The following TIGD5 variants were observed in gnomAD, a reference collection of about 807,000 sequenced individuals.
The protein encoded by TIGD5 is tigger transposable element derived 5, also known as tigger transposable element-derived protein 5.
TIGD5 carries 24 observed loss-of-function variants against 28.8 expected under a neutral mutation model. That is an observed-to-expected ratio of 0.83 (90% confidence interval 0.60 to 1.17). The LOEUF (loss-of-function observed/expected upper bound fraction) is 1.17, where lower values mean the gene tolerates loss of function less well. Among genes scored for constraint, TIGD5 ranks in the 50% most tolerant of loss-of-function variants. The pLI, the probability that TIGD5 is intolerant of heterozygous loss-of-function variation, is 0.00. For missense variants in TIGD5, 922 were observed against 911.4 expected (o/e 1.01, Z -0.15); for synonymous variants, 538 against 430.5 (o/e 1.25, Z -3.09).
rs1829232870 is a variant in TIGD5 at position 143,599,895 on chromosome 8, C to T, written c.*63C>T. On this transcript the variant is annotated 3_prime_UTR_variant, in exon 1 of 1. Transcript: ENST00000504548. ...GAGGGAGGGGACATACACACAGTCT[C>T]CCATCTCTCCTCCCCTCCCCCTGGG... The T allele has an allele frequency of 1.4e-6, 2 of 1,411,402 alleles. No homozygotes were observed. The highest frequency in any genetic ancestry group is 2.7e-5 in the Admixed American group (1 of 36,470). The allele number at this position is 1,411,402 out of a possible 1,614,324, so 87.4% of individuals were successfully genotyped here.
At position 143,598,012 on chromosome 8, in the gene TIGD5, C is replaced by T. The variant is rs941328379; in HGVS notation, c.109C>T (p.Pro37Ser). 36 of 1,284,388 alleles carry T rather than the reference C, an allele frequency of 2.8e-5. No individual in the cohort carries two copies. In the Middle Eastern group the frequency reaches 9.0e-4, roughly 32 times the overall value. The allele number at this position is 1,284,388 out of a possible 1,614,324, so 79.6% of individuals were successfully genotyped here. The change falls in exon 1 of 1, where the codon CCC (proline) becomes TCC (serine). Residue 37 changes from proline to serine, a missense_variant. This residue lies in a region of TIGD5 where 87 missense variants were observed against 60.9 expected (regional missense o/e 1.43). Coordinates refer to ENST00000504548, the MANE Select transcript of TIGD5 (RefSeq NM_032862.5). This position sits in a 1 kb window ranked among gnomAD's most constrained non-coding sequence, Gnocchi z 6.6. ...CCCCGTCCCCGCTGCACGGCCGCCG[C>T]CCCCCGCGCCCGGGCCGCGGCCCCG... ...PAPVPAARPP[P>S]PAPGPRPRVA...
Position 143,597,874 on chromosome 8 carries a change from C to T in TIGD5, c.-30C>T, listed in dbSNP as rs1829108229. 1.2e-5 allele frequency: 9 copies of T among 761,882 alleles called. No homozygotes were observed. Among genetic ancestry groups the T allele is most frequent in the East Asian group, 1.3e-4 (1 of 7,702 alleles). The allele number at this position is 761,882 out of a possible 1,614,324, so 47.2% of individuals were successfully genotyped here. On this transcript the variant is annotated 5_prime_UTR_variant, in exon 1 of 1. Transcript: ENST00000504548. Reference sequence around the variant, plus strand: ...GGCTGGGCGTGTGGCTCCCGCGACCCGCGCGGCCCGGGTCCCCCCCGCCGC... The same window carrying T: ...GGCTGGGCGTGTGGCTCCCGCGACCTGCGCGGCCCGGGTCCCCCCCGCCGC...
At position 143,599,462 on chromosome 8, in the gene TIGD5, C is replaced by T; in HGVS notation, c.1559C>T (p.Ala520Val). 6.3e-7 allele frequency: 1 copy of T among 1,588,334 alleles called. No individual in the cohort carries two copies. The highest frequency in any genetic ancestry group is 8.6e-7 in the Non-Finnish European group (1 of 1,168,214). ...LSDLTHLAAL[A>V]YKCLAPEEVA... Reference sequence around the variant, plus strand: ...GACCTCACCCACCTGGCGGCTCTGGCCTACAAGTGCCTGGCTCCGGAGGAG... The same window carrying T: ...GACCTCACCCACCTGGCGGCTCTGGTCTACAAGTGCCTGGCTCCGGAGGAG... The change falls in exon 1 of 1, where the codon GCC (alanine) becomes GTC (valine). Residue 520 changes from alanine to valine, a missense_variant. Physicochemically the swap from Ala to Val is moderately conservative, Grantham distance 64. Coordinates refer to ENST00000504548, the MANE Select transcript of TIGD5 (RefSeq NM_032862.5).
rs149526728 is a variant in TIGD5, at chr8:143,599,620, G to A, written c.1717G>A (p.Asp573Asn). 1.3e-4 allele frequency: 205 copies of A among 1,525,058 alleles called. 2 individuals are homozygous for A. In the East Asian group the frequency reaches 4.4e-3, roughly 33 times the overall value. 94.5% of individuals were successfully genotyped at this position (1,525,058 alleles called of 1,614,324 possible). The change falls in exon 1 of 1, where the codon GAC becomes AAC. Residue 573 changes from aspartate to asparagine, a missense_variant. Physicochemically the swap from Asp to Asn is conservative, Grantham distance 23. This residue lies in a region of TIGD5 where 821 missense variants were observed against 815.2 expected (regional missense o/e 1.01). Coordinates refer to ENST00000504548, the MANE Select transcript of TIGD5 (RefSeq NM_032862.5). ...SLPSAMGGGE[D>N]EEEATDYGGT... Reference sequence around the variant, plus strand: ...GCCCTCTGCCATGGGGGGCGGAGAGGACGAGGAGGAGGCCACCGACTATGG... The same window carrying A: ...GCCCTCTGCCATGGGGGGCGGAGAGAACGAGGAGGAGGCCACCGACTATGG...
At position 143,598,782 on chromosome 8, in the gene TIGD5, C is replaced by A; in HGVS notation, c.879C>A (p.Val293=). Residue 293 remains valine, a synonymous_variant, in exon 1 of 1, where the codon GTC becomes GTA. Coordinates refer to ENST00000504548, the MANE Select transcript of TIGD5 (RefSeq NM_032862.5). The surrounding 1 kb of genome is among the most constrained non-coding windows in gnomAD (Gnocchi z 6.6). ...GCAGCCACAAGCTGAAGCCGCTGGTCATCGGGCGGCTGCCGGACCCGCCCA... is the reference window on the plus strand; with the variant it reads ...GCAGCCACAAGCTGAAGCCGCTGGTAATCGGGCGGCTGCCGGACCCGCCCA... ...LTGSHKLKPL[V]IGRLPDPPSL... The A allele has an allele frequency of 2.5e-6, 4 of 1,597,042 alleles. No individual in the cohort carries two copies. The South Asian group carries it at 4.4e-5, about 18-fold the overall frequency.
rs781360370 is a variant in TIGD5 at position 143,598,148 on chromosome 8, G to C, written c.245G>C (p.Gly82Ala). ...CAGGCCAGTGTGTGCCGCGACTTCG[G>C]CGTGCCGGGCGGGACGCTGCGCGGC... ...ERQASVCRDF[G>A]VPGGTLRGWL... Residue 82 changes from glycine (G) to alanine (A), a missense_variant, in exon 1 of 1, where the codon GGC becomes GCC. By Grantham distance (60) the Gly-to-Ala change is moderately conservative. Around this residue, in one of 3 missense-constraint regions of TIGD5, gnomAD observed 821 missense variants for 815.2 expected, o/e 1.01. Transcript: ENST00000504548. This position sits in a 1 kb window ranked among gnomAD's most constrained non-coding sequence, Gnocchi z 6.6. 2 of 1,593,256 alleles carry C rather than the reference G, an allele frequency of 1.3e-6. No homozygotes were observed. The highest frequency in any genetic ancestry group is 1.7e-6 in the Non-Finnish European group (2 of 1,171,464).
At position 143,599,075 on chromosome 8, in the gene TIGD5, A is replaced by G; in HGVS notation, c.1172A>G (p.Glu391Gly). 6.3e-7 allele frequency: 1 copy of G among 1,575,600 alleles called. No homozygotes were observed. The highest frequency in any genetic ancestry group is 8.6e-7 in the Non-Finnish European group (1 of 1,163,478). ...CCGGAGCCCCTCGGTCCCCCGGAGGAGCTGCAGACACCGGATGGCGCTGTG... is the reference window on the plus strand; with the variant it reads ...CCGGAGCCCCTCGGTCCCCCGGAGGGGCTGCAGACACCGGATGGCGCTGTG... The part of the protein sequence containing the change: ...CRPEPLGPPE[E>G]LQTPDGAVRV... The change falls in exon 1 of 1, where the codon GAG becomes GGG. Residue 391 changes from glutamate to glycine, a missense_variant. Transcript: ENST00000504548.
Position 143,599,554 on chromosome 8 carries a change from C to T in TIGD5, c.1651C>T (p.Pro551Ser), listed in dbSNP as rs750466084. The T allele has an allele frequency of 1.9e-6, 3 of 1,562,328 alleles. No individual in the cohort carries two copies. The highest frequency in any genetic ancestry group is 4.7e-5 in the East Asian group (2 of 42,726). Residue 551 changes from proline (P) to serine (S), a missense_variant, in exon 1 of 1, where the codon CCA becomes TCA. Physicochemically the swap from Pro to Ser is moderately conservative, Grantham distance 74. This residue lies in a region of TIGD5 where 821 missense variants were observed against 815.2 expected (regional missense o/e 1.01). Transcript: ENST00000504548. ...CGAGGGCTGCAGGGAGGAGGTGGGC[C>T]CAGCCCTGCCCCCTGCAGCGCCTCC... Reference protein sequence around the residue: ...PPEGCREEVGPALPPAAPPAP... With the variant: ...PPEGCREEVGSALPPAAPPAP...
Position 143,598,014 on chromosome 8 carries a change from C to G in TIGD5, c.111C>G (p.Pro37=), listed in dbSNP as rs529954982. The part of the protein sequence containing the change: ...PAPVPAARPP[P]PAPGPRPRVA... Reference sequence around the variant, plus strand: ...CCGTCCCCGCTGCACGGCCGCCGCCCCCCGCGCCCGGGCCGCGGCCCCGCG... The same window carrying G: ...CCGTCCCCGCTGCACGGCCGCCGCCGCCCGCGCCCGGGCCGCGGCCCCGCG... Residue 37 remains proline, a synonymous_variant, in exon 1 of 1, where the codon CCC becomes CCG. Coordinates refer to ENST00000504548, the MANE Select transcript of TIGD5 (RefSeq NM_032862.5). This position sits in a 1 kb window ranked among gnomAD's most constrained non-coding sequence, Gnocchi z 6.6. 9.8e-4 allele frequency: 1,262 copies of G among 1,292,410 alleles called. 3 individuals are homozygous for G. The highest frequency in any genetic ancestry group is 5.1e-3 in the Middle Eastern group (17 of 3,354). 80.1% of individuals were successfully genotyped at this position (1,292,410 alleles called of 1,614,324 possible). A position where few individuals can be genotyped will look rare whatever the true frequency, so the allele number is the denominator to read the frequency against.
chr8:143,598,638 C>T lies in TIGD5; in HGVS notation c.735C>T (p.Tyr245=), dbSNP rs1313346129. Residue 245 remains tyrosine (Y), a synonymous_variant, in exon 1 of 1, where the codon TAC becomes TAT. Transcript: ENST00000504548. This position sits in a 1 kb window ranked among gnomAD's most constrained non-coding sequence, Gnocchi z 6.6. The part of the protein sequence containing the change: ...QIYSASVTGL[Y]WKLLPEQAAP... ...ACAGCGCCAGCGTCACCGGCCTCTA[C>T]TGGAAGCTGCTTCCGGAGCAGGCTG... 4.0e-6 allele frequency: 6 copies of T among 1,498,374 alleles called. No homozygotes were observed. Among genetic ancestry groups the T allele is most frequent in the Non-Finnish European group, 5.3e-6 (6 of 1,134,652 alleles). 92.8% of individuals were successfully genotyped at this position (1,498,374 alleles called of 1,614,324 possible).
In TIGD5 at chr8:143,598,195, C is replaced by G. The variant is rs1829132168; in HGVS notation, c.292C>G (p.Leu98Val). The change falls in exon 1 of 1, where the codon CTG becomes GTG. Residue 98 changes from leucine (L) to valine (V), a missense_variant. Leu to Val is a conservative substitution (Grantham distance 32). This residue lies in a region of TIGD5 where 821 missense variants were observed against 815.2 expected (regional missense o/e 1.01). Coordinates refer to ENST00000504548, the MANE Select transcript of TIGD5 (RefSeq NM_032862.5). This position sits in a 1 kb window ranked among gnomAD's most constrained non-coding sequence, Gnocchi z 6.6. ...CGGCTGGCTCAAGGACGAGCCCAAG[C>G]TGCGCTGGTTCCTGGAGCAGCTGGG... ...LRGWLKDEPK[L>V]RWFLEQLGGE... 10 of 1,606,242 alleles carry G rather than the reference C, an allele frequency of 6.2e-6. No individual in the cohort carries two copies. Among genetic ancestry groups the G allele is most frequent in the Non-Finnish European group, 7.6e-6 (9 of 1,177,314 alleles).
In TIGD5 at chr8:143,600,205, A is replaced by G. The variant is rs1564008813; in HGVS notation, c.*373A>G. The G allele has an allele frequency of 7.8e-6, 2 of 257,892 alleles. No homozygotes were observed. Among genetic ancestry groups the G allele is most frequent in the Non-Finnish European group, 1.5e-5 (2 of 136,246 alleles). 16.0% of individuals were successfully genotyped at this position (257,892 alleles called of 1,614,324 possible). A position where few individuals can be genotyped will look rare whatever the true frequency, so the allele number is the denominator to read the frequency against. ...ACGAGGGCCGAAACTCCTGTCTGCT[A>G]TCGAGCCCTGGTGCTATGTGGCCCC... On this transcript the variant is annotated 3_prime_UTR_variant, in exon 1 of 1. Transcript: ENST00000504548.
rs1829142412 is a variant in TIGD5 at position 143,598,362 on chromosome 8, C to T, written c.459C>T (p.Ala153=). 2 of 1,588,332 alleles carry T rather than the reference C, an allele frequency of 1.3e-6. No individual in the cohort carries two copies. The highest frequency in any genetic ancestry group is 1.8e-4 in the Middle Eastern group (1 of 5,628). The change falls in exon 1 of 1, where the codon GCC becomes GCT. Residue 153 remains alanine, a synonymous_variant. Coordinates refer to ENST00000504548, the MANE Select transcript of TIGD5 (RefSeq NM_032862.5). This position sits in a 1 kb window ranked among gnomAD's most constrained non-coding sequence, Gnocchi z 6.6. ...CGCTCATCCAGGCGCAGGCCGAGGC[C>T]TTCGCGCGCCAGATCTACGGGCCCG... ...SGPLIQAQAE[A]FARQIYGPEC... is the part of the protein sequence containing the mutation.
chr8:143,599,004 C>A lies in TIGD5; in HGVS notation c.1101C>A (p.Ala367=). 1 of 1,575,728 alleles carries A rather than the reference C, an allele frequency of 6.3e-7. No homozygotes were observed. The highest frequency in any genetic ancestry group is 8.6e-7 in the Non-Finnish European group (1 of 1,169,052). The part of the protein sequence containing the change: ...VAHPPCPSPA[A]SMPALDSEDA... Reference sequence around the variant, plus strand: ...ACCCGCCCTGCCCAAGCCCAGCTGCCAGTATGCCCGCCCTGGACAGCGAGG... The same window carrying A: ...ACCCGCCCTGCCCAAGCCCAGCTGCAAGTATGCCCGCCCTGGACAGCGAGG... The change falls in exon 1 of 1, where the codon GCC becomes GCA. Residue 367 remains alanine, a synonymous_variant. Transcript: ENST00000504548.
chr8:143,599,580 G>T lies in TIGD5; in HGVS notation c.1677G>T (p.Pro559=). 2.6e-6 allele frequency: 4 copies of T among 1,532,652 alleles called. No individual in the cohort carries two copies. The highest frequency in any genetic ancestry group is 3.5e-6 in the Non-Finnish European group (4 of 1,143,104). 94.9% of individuals were successfully genotyped at this position (1,532,652 alleles called of 1,614,324 possible). A position where few individuals can be genotyped will look rare whatever the true frequency, so the allele number is the denominator to read the frequency against. The change falls in exon 1 of 1, where the codon CCG becomes CCT. Residue 559 remains proline (P), a synonymous_variant. Coordinates refer to ENST00000504548, the MANE Select transcript of TIGD5 (RefSeq NM_032862.5). ...CAGCCCTGCCCCCTGCAGCGCCTCC[G>T]GCCCCAGCCAGTCTGCCCTCTGCCA... ...VGPALPPAAP[P]APASLPSAMG... is the part of the protein sequence containing the mutation.
Position 143,598,773 on chromosome 8 carries a change from G to T in TIGD5, c.870G>T (p.Lys290Asn). Residue 290 changes from lysine (K) to asparagine (N), a missense_variant, in exon 1 of 1, where the codon AAG becomes AAT. Physicochemically the swap from Lys to Asn is moderately conservative, Grantham distance 94. Transcript: ENST00000504548. The surrounding 1 kb of genome is among the most constrained non-coding windows in gnomAD (Gnocchi z 6.6). ...AANLTGSHKL[K>N]PLVIGRLPDP... ...ACCTGACCGGCAGCCACAAGCTGAAGCCGCTGGTCATCGGGCGGCTGCCGG... is the reference window on the plus strand; with the variant it reads ...ACCTGACCGGCAGCCACAAGCTGAATCCGCTGGTCATCGGGCGGCTGCCGG... 1 of 1,594,766 alleles carries T rather than the reference G, an allele frequency of 6.3e-7. No individual in the cohort carries two copies.
In TIGD5 at chr8:143,598,361, C is replaced by A; in HGVS notation, c.458C>A (p.Ala153Asp). The change falls in exon 1 of 1, where the codon GCC becomes GAC. Residue 153 changes from alanine to aspartate, a missense_variant. This residue lies in a region of TIGD5 where 821 missense variants were observed against 815.2 expected (regional missense o/e 1.01). Coordinates refer to ENST00000504548, the MANE Select transcript of TIGD5 (RefSeq NM_032862.5). This position sits in a 1 kb window ranked among gnomAD's most constrained non-coding sequence, Gnocchi z 6.6. ...CCGCTCATCCAGGCGCAGGCCGAGGCCTTCGCGCGCCAGATCTACGGGCCC... is the reference window on the plus strand; with the variant it reads ...CCGCTCATCCAGGCGCAGGCCGAGGACTTCGCGCGCCAGATCTACGGGCCC... ...SGPLIQAQAE[A>D]FARQIYGPEC... 6.3e-7 allele frequency: 1 copy of A among 1,588,328 alleles called. No individual in the cohort carries two copies. Among genetic ancestry groups the A allele is most frequent in the South Asian group, 1.1e-5 (1 of 88,758 alleles).
chr8:143,599,734 G>A lies in TIGD5; in HGVS notation c.1831G>A (p.Gly611Arg), dbSNP rs1203112415. 2 of 1,503,158 alleles carry A rather than the reference G, an allele frequency of 1.3e-6. No homozygotes were observed. Among genetic ancestry groups the A allele is most frequent in the Non-Finnish European group, 1.8e-6 (2 of 1,134,410 alleles). The allele number at this position is 1,503,158 out of a possible 1,614,324, so 93.1% of individuals were successfully genotyped here. Residue 611 changes from glycine (G) to arginine (R), a missense_variant, in exon 1 of 1, where the codon GGG (glycine) becomes AGG (arginine). Transcript: ENST00000504548. ...GGAGAACCAGGACCCCAGAGAGGTG[G>A]GGCCACTGAGGCTGGTGCAGTTGCG... is the stretch of plus-strand genomic sequence containing the variant. ...WLENQDPREV[G>R]PLRLVQLRSL...
At position 143,599,498 on chromosome 8, in the gene TIGD5, G is replaced by T; in HGVS notation, c.1595G>T (p.Trp532Leu). 1 of 1,591,674 alleles carries T rather than the reference G, an allele frequency of 6.3e-7. No homozygotes were observed. The highest frequency in any genetic ancestry group is 8.5e-7 in the Non-Finnish European group (1 of 1,170,162). ...CTGGCTCCGGAGGAGGTTGCGGAGT[G>T]GCTGCACCTGGACGATGATGGGGGT... ...KCLAPEEVAE[W>L]LHLDDDGGPP... Residue 532 changes from tryptophan (W) to leucine (L), a missense_variant, in exon 1 of 1, where the codon TGG becomes TTG. Trp to Leu is a moderately conservative substitution (Grantham distance 61). Transcript: ENST00000504548.
Sources: gnomAD v4.1 joint callset for allele counts on GRCh38, gnomAD v4.1.1 for gene constraint, gnomAD v4.1.1 regional missense constraint, Gnocchi (gnomAD v3.1) non-coding constraint, MANE v1.5 for transcripts, NCBI Gene and HGNC (gene_info 2026-07-23, HGNC 2026-07-21) for gene names.